Variants in PPM1H observed in about 807,000 individuals in gnomAD.
PPM1H encodes protein phosphatase 1H.
Under a neutral mutation model 54.9 loss-of-function variants are expected in PPM1H, and 27 were observed. That is an observed-to-expected ratio of 0.49 (90% confidence interval 0.36 to 0.68). The LOEUF is 0.68. Ranked by LOEUF, PPM1H falls within the 30% of genes least tolerant of loss-of-function variation. The pLI is 0.00. For synonymous variants in PPM1H, 305 were observed against 270.8 expected, an observed-to-expected ratio of 1.13 and a Z score of -1.24; for missense variants, 596 against 667.8, an observed-to-expected ratio of 0.89 and a Z score of 1.19.
intron 4 of PPM1H, among the ~76,000 whole-genome samples, chr12:62,754,496 G>C (rs1261738575): frequency 2.6e-5 from 4 of 152,196 alleles, no homozygotes; most frequent in African/African-American, 9.7e-5. Context: ...GAGCCCAGGA[G>C]GTAGAGGTTG....
chr12:62,717,251 T>G (rs1322270592), intron 6 of PPM1H, among the ~76,000 whole-genome samples: 2 of 152,230 alleles, frequency 1.3e-5, no homozygotes, highest in Non-Finnish European at 2.9e-5. Context: ...TGCACAAAGA[T>G]GCACATAAAT....
At chr12:62,813,474 C>T (rs2076847757) in intron 2 of PPM1H, among the ~76,000 whole-genome samples, 2 of 152,170 alleles carry the variant, frequency 1.3e-5, no homozygotes, top group East Asian at 3.8e-4. Context: ...CTCTTCCATG[C>T]CTGTTAGTTT....
At chr12:62,915,174 G>A (rs1010384102) in intron 1 of PPM1H, among the ~76,000 whole-genome samples, 3 of 152,156 alleles carry the variant, frequency 2.0e-5, no homozygotes, top group Admixed American at 6.5e-5. Flanking sequence ...TGTTGTTGTT[G>A]TTAAGAGTTA....
At chr12:62,693,717 CT>C (rs2136641407) in intron 7 of PPM1H, among the ~76,000 whole-genome samples, 1 of 152,316 alleles carries the variant, frequency 6.6e-6, no homozygotes, top group African/African-American at 2.4e-5. Flanking sequence ...ACAAAATTGG[CT>C]TGAGTCCCTT....
chr12:62,733,421 A>AT lies in PPM1H; in HGVS notation c.954+4080dup, dbSNP rs533657923. ...AGGCGCGTGCCACCATACCCAGCTG[A>AT]TTTTTTTTGGTATTTTTAGTAGAGA... On this transcript the variant is annotated intron_variant, in intron 5 of 9. Coordinates refer to ENST00000228705, the MANE Select transcript of PPM1H (RefSeq NM_020700.2). Among the ~76,000 whole-genome samples, 95 of 151,622 alleles carry AT rather than the reference A, an allele frequency of 6.3e-4. 1 individual carries two copies. The highest frequency in any genetic ancestry group is 1.1e-3 in the Non-Finnish European group (75 of 67,906).
At chr12:62,818,821 CTT>C (rs771501305) in intron 2 of PPM1H, among the ~76,000 whole-genome samples, 30 of 135,742 alleles carry the variant, frequency 2.2e-4, no homozygotes, top group African/African-American at 2.7e-4. Context: ...TTTTCTTTTT[CTT>C]TTTTTTTTTT....
chr12:62,751,375 G>A (rs2076441496), intron 4 of PPM1H, among the ~76,000 whole-genome samples: 1 of 152,128 alleles, frequency 6.6e-6, no homozygotes, highest in Non-Finnish European at 1.5e-5. Context: ...AAGGAAAAGT[G>A]GTATTTTAGC....
At chr12:62,834,710 G>A (rs940709427) in intron 1 of PPM1H, among the ~76,000 whole-genome samples, 1 of 151,890 alleles carries the variant, frequency 6.6e-6, no homozygotes, top group African/African-American at 2.4e-5. Flanking sequence ...CCAAGTCACT[G>A]GGGGGGCCTG....
intron 4 of PPM1H, among the ~76,000 whole-genome samples, chr12:62,739,688 C>T (rs1308450235): frequency 1.3e-5 from 2 of 152,178 alleles, no homozygotes; most frequent in South Asian, 2.1e-4. Context: ...GGCCTGGTAA[C>T]GCCAAAGGCT....
At chr12:62,729,042 C>A (rs889122773) in intron 5 of PPM1H, among the ~76,000 whole-genome samples, 13 of 152,250 alleles carry the variant, frequency 8.5e-5, no homozygotes, top group African/African-American at 2.6e-4. Flanking sequence ...CAAAGGAATT[C>A]ATGCAACTAA....
intron 1 of PPM1H, among the ~76,000 whole-genome samples, chr12:62,893,524 A>G (rs1870874057): frequency 6.6e-6 from 1 of 151,974 alleles, no homozygotes; most frequent in Non-Finnish European, 1.5e-5. Context: ...TGACATGATC[A>G]TGGCTCACTG....
intron 8 of PPM1H, among the ~76,000 whole-genome samples, chr12:62,671,994 T>C (rs1249940633): frequency 6.6e-6 from 1 of 152,236 alleles, no homozygotes; most frequent in Non-Finnish European, 1.5e-5. Flanking sequence ...TATGGCCCTG[T>C]CCTGACACTA....
At chr12:62,849,909 A>G (rs190110222) in intron 1 of PPM1H, among the ~76,000 whole-genome samples, 2 of 152,338 alleles carry the variant, frequency 1.3e-5, no homozygotes, top group East Asian at 3.9e-4. Context: ...TGCTGTCACA[A>G]CTTTCTAGAA....
intron 1 of PPM1H, among the ~76,000 whole-genome samples, chr12:62,840,497 G>T (rs2628040): frequency 2.0e-5 from 3 of 152,120 alleles, no homozygotes; most frequent in East Asian, 1.9e-4. Context: ...GGCCTATGTC[G>T]CAAGGGATCT....
chr12:62,762,250 C>T (rs1365012925), intron 4 of PPM1H, among the ~76,000 whole-genome samples: 2 of 152,208 alleles, frequency 1.3e-5, no homozygotes, highest in African/African-American at 4.8e-5. Context: ...CTGATGTGTG[C>T]TTGTCCAGAG....
At chr12:62,757,694 C>A (rs966253568) in intron 4 of PPM1H, among the ~76,000 whole-genome samples, 18 of 152,192 alleles carry the variant, frequency 1.2e-4, no homozygotes, top group Admixed American at 7.9e-4. Flanking sequence ...TACCATAACA[C>A]CACTCCAGAA....
At chr12:62,687,733 C>A (rs2076061570) in intron 8 of PPM1H, among the ~76,000 whole-genome samples, 1 of 152,056 alleles carries the variant, frequency 6.6e-6, no homozygotes, top group Admixed American at 6.6e-5. Context: ...TACAGGCAAG[C>A]CGCAGTGGCT....
In PPM1H at chr12:62,793,740, C is replaced by CAAAAAAAAA. The variant is rs34457644; in HGVS notation, c.757-5411_757-5403dup. Among the ~76,000 whole-genome samples, 47 of 61,224 alleles carry CAAAAAAAAA rather than the reference C, an allele frequency of 7.7e-4. 1 individual carries two copies. Among genetic ancestry groups the CAAAAAAAAA allele is most frequent in the South Asian group, 2.9e-3 (4 of 1,380 alleles). The allele number at this position is 61,224 out of a possible 152,430, so 40.2% of individuals were successfully genotyped here. A position where few individuals can be genotyped will look rare whatever the true frequency, so the allele number is the denominator to read the frequency against. On this transcript the variant is annotated intron_variant, in intron 3 of 9. Coordinates refer to ENST00000228705, the MANE Select transcript of PPM1H (RefSeq NM_020700.2). Reference sequence around the variant, plus strand: ...GGGCAACAAGAGAGAAACTCCGTTTCAAAAAAAAAAAAAAAAAAAAAAGGC... The same window carrying CAAAAAAAAA: ...GGGCAACAAGAGAGAAACTCCGTTTCAAAAAAAAAAAAAAAAAAAAAAAAAAAAAAAGGC...
chr12:62,747,075 C>T (rs1044417057), intron 4 of PPM1H, among the ~76,000 whole-genome samples: 2 of 152,190 alleles, frequency 1.3e-5, no homozygotes, highest in African/African-American at 2.4e-5. Flanking sequence ...CCTCAGCCTC[C>T]TGAGTAGATG....
Sources: gnomAD v4.1 joint callset for allele counts (sites outside exome capture counted in the v4.1 genomes callset) on GRCh38, gnomAD v4.1.1 for gene constraint, MANE v1.5 for transcripts, NCBI Gene and HGNC (gene_info 2026-07-23, HGNC 2026-07-21) for gene names.